CSMD1: variants seen among roughly 807,000 people sequenced by gnomAD.
CSMD1 encodes CUB and sushi domain-containing protein 1.
In CSMD1, 213 loss-of-function variants were observed where a neutral mutation model predicts 417.5. The observed-to-expected ratio is 0.51, with a 90% confidence interval of 0.46 to 0.57. The LOEUF (loss-of-function observed/expected upper bound fraction) is 0.57, where lower values mean the gene tolerates loss of function less well. Among genes scored for constraint, CSMD1 ranks in the 20% least tolerant of loss-of-function variants. The pLI, the probability that CSMD1 is intolerant of heterozygous loss-of-function variation, is 0.00. For synonymous variants in CSMD1, 2,862 were observed against 1,736.8 expected (o/e 1.65, Z -16.11); for missense variants, 6,923 against 4,529.7 (o/e 1.53, Z -15.17).
intron 5 of CSMD1, among the ~76,000 whole-genome samples, chr8:3,958,656 T>C (rs1453280990): frequency 4.6e-5 from 7 of 152,130 alleles, no homozygotes; most frequent in Admixed American, 2.6e-4. Flanking sequence ...CAAATTAGCC[T>C]ATAAAAACAA....
intron 12 of CSMD1, among the ~76,000 whole-genome samples, chr8:3,449,907 G>C (rs1563401654): frequency 6.6e-6 from 1 of 152,140 alleles, no homozygotes; most frequent in Non-Finnish European, 1.5e-5. Flanking sequence ...TTAAACATTA[G>C]GACATTTAAG....
intron 3 of CSMD1, among the ~76,000 whole-genome samples, chr8:4,405,772 T>A (rs1200292720): frequency 2.0e-5 from 3 of 152,182 alleles, no homozygotes; most frequent in African/African-American, 7.2e-5. Flanking sequence ...GTTTAAGCTG[T>A]ATTTGAGTTT....
intron 5 of CSMD1, among the ~76,000 whole-genome samples, chr8:3,976,700 A>G (rs778687794): frequency 6.6e-6 from 1 of 152,184 alleles, no homozygotes; most frequent in Non-Finnish European, 1.5e-5. Flanking sequence ...TTTACTTATG[A>G]ACCCTTTTAA....
intron 3 of CSMD1, among the ~76,000 whole-genome samples, chr8:4,409,902 C>T (rs1268801522): frequency 1.3e-5 from 2 of 152,022 alleles, no homozygotes; most frequent in Admixed American, 1.3e-4. Context: ...CAACCTCCGC[C>T]TCCTGGGTTC....
At chr8:4,929,556 G>A (rs796180034) in intron 1 of CSMD1, among the ~76,000 whole-genome samples, 4 of 152,252 alleles carry the variant, frequency 2.6e-5, no homozygotes, top group African/African-American at 9.6e-5. Context: ...CCTCAGTGTA[G>A]AAAGGAAAAA....
chr8:3,560,039 G>C (rs141462454), intron 10 of CSMD1, among the ~76,000 whole-genome samples: 2 of 152,228 alleles, frequency 1.3e-5, no homozygotes, highest in African/African-American at 2.4e-5. Context: ...AGGGAATTTG[G>C]TGAATGAGAG....
At chr8:3,747,828 G>A (rs1279741296) in intron 6 of CSMD1, among the ~76,000 whole-genome samples, 1 of 152,128 alleles carries the variant, frequency 6.6e-6, no homozygotes, top group Non-Finnish European at 1.5e-5. Context: ...TTTAAAATGT[G>A]GAATTTCAAG....
chr8:4,181,501 A>G (rs1458769745), intron 3 of CSMD1, among the ~76,000 whole-genome samples: 4 of 152,196 alleles, frequency 2.6e-5, no homozygotes, highest in Non-Finnish European at 5.9e-5. Context: ...TGAGCTTTAA[A>G]AAAATCACCA....
At chr8:3,131,231 A>T (rs1400354204) in intron 41 of CSMD1, among the ~76,000 whole-genome samples, 1 of 152,204 alleles carries the variant, frequency 6.6e-6, no homozygotes, top group Non-Finnish European at 1.5e-5. Context: ...CAAGTCTAAT[A>T]ACTGAGGCAA....
chr8:4,253,767 A>AT (rs1436919167), intron 3 of CSMD1, among the ~76,000 whole-genome samples: 1 of 152,024 alleles, frequency 6.6e-6, no homozygotes, highest in African/African-American at 2.4e-5. Flanking sequence ...GAAAAAAAAA[A>AT]CAGCTGATGA....
At chr8:4,665,228 C>T (rs531518704) in intron 1 of CSMD1, among the ~76,000 whole-genome samples, 2 of 152,270 alleles carry the variant, frequency 1.3e-5, no homozygotes, top group South Asian at 4.1e-4. Flanking sequence ...TCTCCCACGA[C>T]CTTCCTCTCC....
intron 3 of CSMD1, among the ~76,000 whole-genome samples, chr8:4,085,127 C>A (rs1563103885): frequency 6.6e-6 from 1 of 152,112 alleles, no homozygotes; most frequent in East Asian, 1.9e-4. Flanking sequence ...AACCCTGAGG[C>A]TGAGATGTCA....
chr8:4,699,683 C>G lies in CSMD1; in HGVS notation c.86-62125G>C, dbSNP rs115836122. ...ATTTTAAACAATGTCATCATCCGTA[C>G]ATATGATTTTTAAAAATCTCCCAGA... On this transcript the variant is annotated intron_variant, in intron 1 of 69. Transcript: ENST00000635120. 2.7e-3 allele frequency among the ~76,000 whole-genome samples: 406 copies of G among 152,274 alleles called. 5 individuals carry two copies. The highest frequency in any genetic ancestry group is 9.4e-3 in the African/African-American group (392 of 41,562).
chr8:4,133,737 T>G (rs71523607), intron 3 of CSMD1, among the ~76,000 whole-genome samples: 3 of 143,260 alleles, frequency 2.1e-5, no homozygotes, highest in South Asian at 2.1e-4. Flanking sequence ...ATGGTTATGG[T>G]TTTTTTTATT....
intron 3 of CSMD1, among the ~76,000 whole-genome samples, chr8:4,182,903 T>C (rs1044939703): frequency 6.6e-6 from 1 of 152,090 alleles, no homozygotes. Flanking sequence ...AATGGGAGAA[T>C]GTAATTGAAG....
intron 1 of CSMD1, among the ~76,000 whole-genome samples, chr8:4,726,752 C>T (rs1353661038): frequency 2.0e-5 from 3 of 152,200 alleles, no homozygotes; most frequent in Non-Finnish European, 4.4e-5. Flanking sequence ...TGGGTTATGA[C>T]TGCATGTCCT....
intron 18 of CSMD1, among the ~76,000 whole-genome samples, chr8:3,371,904 A>G (rs527690474): frequency 1.3e-5 from 2 of 152,340 alleles, no homozygotes; most frequent in South Asian, 4.1e-4. Context: ...TCCCACTTGA[A>G]ATTAATGTAT....
At chr8:4,700,950 C>T (rs1395711772) in intron 1 of CSMD1, among the ~76,000 whole-genome samples, 1 of 152,086 alleles carries the variant, frequency 6.6e-6, no homozygotes, top group Admixed American at 6.6e-5. Flanking sequence ...ATCAAGTAAC[C>T]TTCGGTCTCC....
At chr8:3,436,650 A>T (rs890859056) in intron 12 of CSMD1, among the ~76,000 whole-genome samples, 3 of 152,188 alleles carry the variant, frequency 2.0e-5, no homozygotes, top group African/African-American at 7.2e-5. Flanking sequence ...TGTATTTCAA[A>T]ACAAGAAAAG....
Sources: allele counts gnomAD v4.1 joint callset (sites outside exome capture counted in the v4.1 genomes callset), GRCh38; gene constraint gnomAD v4.1.1; transcripts MANE v1.5; gene names NCBI Gene and HGNC (gene_info 2026-07-23, HGNC 2026-07-21).